GNAQ: variants seen among roughly 807,000 people sequenced by gnomAD.
The protein encoded by GNAQ is G protein subunit alpha q, also known as guanine nucleotide-binding protein G(q) subunit alpha.
A neutral mutation model predicts 43.9 loss-of-function variants in GNAQ; 8 were observed. That is an observed-to-expected ratio of 0.18 (90% CI 0.11 to 0.33). The LOEUF (loss-of-function observed/expected upper bound fraction) is 0.33, where lower values mean the gene tolerates loss of function less well. GNAQ is among the 10% of genes least tolerant of loss of function. GNAQ has a pLI of 1.00. For synonymous variants in GNAQ, 155 were observed against 170.7 expected (o/e 0.91, Z 0.71); for missense variants, 158 against 450.8 (o/e 0.35, Z 5.88).
intron 1 of GNAQ, among the ~76,000 whole-genome samples, chr9:77,936,134 C>T (rs1388462929): frequency 1.3e-5 from 2 of 152,162 alleles, no homozygotes; most frequent in Admixed American, 6.5e-5. Context: ...TGATGACTTC[C>T]TACCATTTGC....
At chr9:77,988,319 G>C (rs1823467656) in intron 1 of GNAQ, among the ~76,000 whole-genome samples, 1 of 152,188 alleles carries the variant, frequency 6.6e-6, no homozygotes, top group South Asian at 2.1e-4. Flanking sequence ...AAGAATACCA[G>C]GAAAACGGCT....
At chr9:77,816,596 T>G (rs1827020508) in intron 2 of GNAQ, among the ~76,000 whole-genome samples, 1 of 152,110 alleles carries the variant, frequency 6.6e-6, no homozygotes, top group Non-Finnish European at 1.5e-5. Flanking sequence ...GAATGCAATA[T>G]ATATATATAC....
intron 2 of GNAQ, among the ~76,000 whole-genome samples, chr9:77,874,564 G>C (rs562778830): frequency 2.0e-5 from 3 of 152,110 alleles, no homozygotes; most frequent in Non-Finnish European, 4.4e-5. Context: ...AAAATCCCTT[G>C]AATTCTGGAA....
At chr9:77,937,999 G>A (rs1186388032) in intron 1 of GNAQ, among the ~76,000 whole-genome samples, 1 of 152,050 alleles carries the variant, frequency 6.6e-6, no homozygotes, top group Non-Finnish European at 1.5e-5. Context: ...GTATCAAGGG[G>A]ATTGTTTCCA....
chr9:78,021,765 CAT>C (rs1823912271), intron 1 of GNAQ, among the ~76,000 whole-genome samples: 1 of 152,188 alleles, frequency 6.6e-6, no homozygotes, highest in Non-Finnish European at 1.5e-5. Context: ...TTCAGTCACA[CAT>C]ACACTAAAGA....
At chr9:77,805,404 C>CT (rs1226101386) in intron 3 of GNAQ, among the ~76,000 whole-genome samples, 5 of 151,876 alleles carry the variant, frequency 3.3e-5, no homozygotes, top group Non-Finnish European at 7.4e-5. Context: ...AAGAAGCTTA[C>CT]TTTTTTTCTT....
chr9:77,797,498 G>A lies in GNAQ; in HGVS notation c.605+22C>T, dbSNP rs372125818. 124 of 1,598,022 alleles carry A rather than the reference G, an allele frequency of 7.8e-5. 1 individual carries two copies. In the African/African-American group the frequency reaches 1.6e-3, roughly 21 times the overall value. On this transcript the variant is annotated intron_variant, in intron 4 of 6. Transcript: ENST00000286548. Reference sequence around the variant, plus strand: ...TCAAGGCATAAAAGCTGGGAAATAGGTTTCATGGACTCAGTTACTACCTGA... The same window carrying A: ...TCAAGGCATAAAAGCTGGGAAATAGATTTCATGGACTCAGTTACTACCTGA...
chr9:77,782,987 G>C (rs932886630), intron 5 of GNAQ, among the ~76,000 whole-genome samples: 1 of 152,170 alleles, frequency 6.6e-6, no homozygotes, highest in Non-Finnish European at 1.5e-5. Flanking sequence ...CAAATGGCAG[G>C]GGGAAGGGAG....
chr9:77,881,517 T>A (rs769131611), intron 2 of GNAQ, among the ~76,000 whole-genome samples: 26 of 152,316 alleles, frequency 1.7e-4, no homozygotes, highest in Non-Finnish European at 3.1e-4. Context: ...TAGCTGGGAC[T>A]ACAGGCACAT....
chr9:77,770,151 A>C (rs1051586085), intron 5 of GNAQ, among the ~76,000 whole-genome samples: 3 of 152,200 alleles, frequency 2.0e-5, no homozygotes, highest in African/African-American at 7.2e-5. Flanking sequence ...ATTCTAAATG[A>C]ATTTCAGGGT....
At chr9:78,001,096 T>A (rs1372321421) in intron 1 of GNAQ, among the ~76,000 whole-genome samples, 2 of 152,012 alleles carry the variant, frequency 1.3e-5, no homozygotes, top group Admixed American at 1.3e-4. Context: ...GGGCCTTGGG[T>A]TTTGGTAAGA....
intron 2 of GNAQ, among the ~76,000 whole-genome samples, chr9:77,854,177 C>T (rs986650698): frequency 3.3e-5 from 5 of 152,054 alleles, no homozygotes; most frequent in African/African-American, 4.8e-5. Flanking sequence ...TAGAAAAGTA[C>T]TCTTTTTGGT....
chr9:78,028,490 T>G (rs948025919), intron 1 of GNAQ, among the ~76,000 whole-genome samples: 1 of 152,202 alleles, frequency 6.6e-6, no homozygotes, highest in African/African-American at 2.4e-5. Context: ...CATGAGCAAA[T>G]GCAAGGGTAC....
intron 1 of GNAQ, among the ~76,000 whole-genome samples, chr9:77,978,347 T>C (rs1019083774): frequency 1.3e-5 from 2 of 152,236 alleles, no homozygotes; most frequent in African/African-American, 2.4e-5. Flanking sequence ...GTTAGCTCTG[T>C]TTCCTGTTTC....
chr9:77,791,190 A>T lies in GNAQ; in HGVS notation c.735+3273T>A, dbSNP rs369585846. Among the ~76,000 whole-genome samples, 16 of 152,312 alleles carry T rather than the reference A, an allele frequency of 1.1e-4. No homozygotes were observed. In the East Asian group the frequency reaches 1.9e-3, roughly 18 times the overall value. ...GGAGAAAAAGGTCTCAGTCTTTGAG[A>T]TTCTATAAAGAGCTTAGCCTGGAAG... On this transcript the variant is annotated intron_variant, in intron 5 of 6. Transcript: ENST00000286548.
intron 2 of GNAQ, among the ~76,000 whole-genome samples, chr9:77,856,392 T>C (rs1027013748): frequency 2.6e-5 from 4 of 152,206 alleles, no homozygotes; most frequent in African/African-American, 9.7e-5. Context: ...TATATATTTC[T>C]ATAGGAAGGA....
chr9:77,761,609 G>A (rs1162398), intron 5 of GNAQ, among the ~76,000 whole-genome samples: 489 of 117,522 alleles, frequency 4.2e-3, no homozygotes, highest in African/African-American at 0.012. Flanking sequence ...GCCTCTGCCC[G>A]GCTGCCCCTA....
At chr9:77,903,068 G>A (rs1270699832) in intron 2 of GNAQ, among the ~76,000 whole-genome samples, 3 of 152,096 alleles carry the variant, frequency 2.0e-5, no homozygotes, top group Non-Finnish European at 4.4e-5. Context: ...TGGAAGAAGT[G>A]CCTGGTATCT....
At chr9:77,816,168 A>G (rs1157249833) in intron 2 of GNAQ, among the ~76,000 whole-genome samples, 1 of 152,194 alleles carries the variant, frequency 6.6e-6, no homozygotes, top group African/African-American at 2.4e-5. Context: ...ATAATCAAAC[A>G]TATAATATAG....
Sources: allele counts gnomAD v4.1 joint callset (sites outside exome capture counted in the v4.1 genomes callset), GRCh38; gene constraint gnomAD v4.1.1; transcripts MANE v1.5; gene names NCBI Gene and HGNC (gene_info 2026-07-23, HGNC 2026-07-21).